The following CACNG2 variants were observed in gnomAD, a reference collection of about 807,000 sequenced individuals.
CACNG2 encodes calcium voltage-gated channel auxiliary subunit gamma 2, also known as voltage-dependent calcium channel gamma-2 subunit.
In CACNG2, 3 loss-of-function variants were observed where a neutral mutation model predicts 25.9. The observed-to-expected ratio is 0.12, with a 90% confidence interval of 0.05 to 0.30. The LOEUF (loss-of-function observed/expected upper bound fraction) is 0.30, where lower values mean the gene tolerates loss of function less well. Among genes scored for constraint, CACNG2 ranks in the 10% least tolerant of loss-of-function variants. The pLI is 1.00. For missense variants in CACNG2, 341 were observed against 432.5 expected (o/e 0.79, Z 1.88); for synonymous variants, 167 against 173.3 (o/e 0.96, Z 0.29).
chr22:36,658,824 C>G (rs8138176), intron 1 of CACNG2, among the ~76,000 whole-genome samples: 10 of 151,712 alleles, frequency 6.6e-5, no homozygotes, highest in South Asian at 6.2e-4. Flanking sequence ...CAAGAGTGTG[C>G]GGGGAAGGGA....
chr22:36,566,389 T>C lies in CACNG2; in HGVS notation c.400A>G (p.Ile134Val), dbSNP rs778689686. The change falls in exon 3 of 4, where the codon ATC (isoleucine) becomes GTC (valine). Residue 134 changes from isoleucine to valine, a missense_variant. This residue lies in a region of CACNG2 where 169 missense variants were observed against 254.4 expected (regional missense o/e 0.66). Coordinates refer to ENST00000300105, the MANE Select transcript of CACNG2 (RefSeq NM_006078.5). Reference sequence around the variant, plus strand: ...AAGAAGATGCCGGCACTCAGGATGATGTTGTGTCGAGTTTTGTAGAACTCG... The same window carrying C: ...AAGAAGATGCCGGCACTCAGGATGACGTTGTGTCGAGTTTTGTAGAACTCG... ...ASEFYKTRHN[I>V]ILSAGIFFVS... The C allele has an allele frequency of 4.3e-6, 7 of 1,614,096 alleles. No individual in the cohort carries two copies. Among genetic ancestry groups the C allele is most frequent in the South Asian group, 1.1e-5 (1 of 91,082 alleles).
intron 1 of CACNG2, among the ~76,000 whole-genome samples, chr22:36,650,561 A>G (rs1471844151): frequency 6.6e-6 from 1 of 152,094 alleles, no homozygotes; most frequent in Non-Finnish European, 1.5e-5. Flanking sequence ...AAAAAAATAG[A>G]CATGGGGGTC....
Position 36,652,426 on chromosome 22 carries a change from C to T in CACNG2, c.211+49940G>A, listed in dbSNP as rs181845914. Among the ~76,000 whole-genome samples, 13 of 152,306 alleles carry T rather than the reference C, an allele frequency of 8.5e-5. No homozygotes were observed. The East Asian group carries it at 9.7e-4, about 11-fold the overall frequency. On this transcript the variant is annotated intron_variant, in intron 1 of 3. Transcript: ENST00000300105. The stretch of plus-strand genomic sequence containing the variant: ...CAGTCTCTCGGGCCTTCTTCTCACC[C>T]TGCAAACATGTTTTCTGTTTTTCAC...
At chr22:36,651,698 A>G (rs575200029) in intron 1 of CACNG2, among the ~76,000 whole-genome samples, 23 of 151,684 alleles carry the variant, frequency 1.5e-4, no homozygotes, top group African/African-American at 4.6e-4. Flanking sequence ...CTTTTTTTGT[A>G]TATTACTGTA....
rs1241060151 is a variant in CACNG2 at position 36,676,973 on chromosome 22, A to T, written c.211+25393T>A. Among the ~76,000 whole-genome samples, 5 of 68,274 alleles carry T rather than the reference A, an allele frequency of 7.3e-5. No individual in the cohort carries two copies. The South Asian group carries it at 2.3e-3, about 32-fold the overall frequency. 44.8% of individuals were successfully genotyped at this position (68,274 alleles called of 152,430 possible). A position where few individuals can be genotyped will look rare whatever the true frequency, so the allele number is the denominator to read the frequency against. ...GTGTGTGTGTGTGTGTGTGTGTTTT[A>T]AAAATCTTTTGTCAGCAGCAAATTC... On this transcript the variant is annotated intron_variant, in intron 1 of 3. Transcript: ENST00000300105.
intron 2 of CACNG2, among the ~76,000 whole-genome samples, chr22:36,575,822 A>C (rs1935303713): frequency 6.6e-6 from 1 of 152,194 alleles, no homozygotes; most frequent in Admixed American, 6.5e-5. Context: ...TGTAGCGGGC[A>C]GGTTCCTCAT....
intron 1 of CACNG2, among the ~76,000 whole-genome samples, chr22:36,693,673 A>G (rs956317364): frequency 8.6e-5 from 13 of 151,880 alleles, no homozygotes; most frequent in African/African-American, 2.9e-4. Context: ...TCTGCTTTCT[A>G]CCTTCCATGG....
chr22:36,614,249 G>T (rs140211938), intron 1 of CACNG2, among the ~76,000 whole-genome samples: 2 of 152,080 alleles, frequency 1.3e-5, no homozygotes, highest in Non-Finnish European at 2.9e-5. Flanking sequence ...CGTTTGCCAC[G>T]TGCTTCCTGG....
At chr22:36,700,267 A>C (rs939033987) in intron 1 of CACNG2, among the ~76,000 whole-genome samples, 3 of 152,278 alleles carry the variant, frequency 2.0e-5, no homozygotes, top group Non-Finnish European at 2.9e-5. Context: ...TGTGGACATC[A>C]AACAGATGGA....
intron 1 of CACNG2, among the ~76,000 whole-genome samples, chr22:36,683,841 C>T (rs541150559): frequency 3.3e-5 from 5 of 152,262 alleles, no homozygotes; most frequent in African/African-American, 9.6e-5. Context: ...GGCAGCATCT[C>T]TCTCTCTCTC....
chr22:36,581,714 C>T (rs573193024), intron 2 of CACNG2, among the ~76,000 whole-genome samples: 3 of 152,312 alleles, frequency 2.0e-5, no homozygotes, highest in African/African-American at 7.2e-5. Flanking sequence ...GGGCTTCTCC[C>T]CTTCTCTCTC....
At chr22:36,642,323 CTGGTT>C (rs1244770269) in intron 1 of CACNG2, among the ~76,000 whole-genome samples, 6 of 152,190 alleles carry the variant, frequency 3.9e-5, no homozygotes, top group African/African-American at 1.4e-4. Flanking sequence ...CTGCTGTGCT[CTGGTT>C]GGGGATTTGA....
At chr22:36,670,630 T>TTTTTGTTTG (rs113777902) in intron 1 of CACNG2, among the ~76,000 whole-genome samples, 9,926 of 151,278 alleles carry the variant, frequency 0.066, 750 homozygotes, top group African/African-American at 0.19. Context: ...TGTTTTTGTT[T>TTTTTGTTTG]TTTTGTTTTG....
At chr22:36,696,213 G>T (rs554166183) in intron 1 of CACNG2, among the ~76,000 whole-genome samples, 3 of 152,012 alleles carry the variant, frequency 2.0e-5, no homozygotes, top group African/African-American at 7.2e-5. Flanking sequence ...TTGCACCCCC[G>T]GCGCTTTCTT....
intron 1 of CACNG2, among the ~76,000 whole-genome samples, chr22:36,679,143 TTCCTTC>T (rs1937054242): frequency 2.5e-5 from 1 of 40,810 alleles, no homozygotes; most frequent in East Asian, 9.6e-4. Context: ...TCTCCCTTCC[TTCCTTC>T]CTTCCTTCCT....
chr22:36,668,534 G>C (rs1234673292), intron 1 of CACNG2, among the ~76,000 whole-genome samples: 1 of 151,808 alleles, frequency 6.6e-6, no homozygotes, highest in East Asian at 1.9e-4. Flanking sequence ...TGTTGCCCAG[G>C]CTGGGGTACA....
At position 36,564,620 on chromosome 22, in the gene CACNG2, G is replaced by C; in HGVS notation, c.703C>G (p.Arg235Gly). The C allele has an allele frequency of 1.2e-6, 2 of 1,613,852 alleles. No individual in the cohort carries two copies. Among genetic ancestry groups the C allele is most frequent in the Non-Finnish European group, 1.7e-6 (2 of 1,179,966 alleles). Residue 235 changes from arginine to glycine, a missense_variant, in exon 4 of 4, where the codon CGC (arginine) becomes GGC (glycine). Physicochemically the swap from Arg to Gly is moderately radical, Grantham distance 125 (BLOSUM62 -2). Around this residue, in one of 2 missense-constraint regions of CACNG2, gnomAD observed 172 missense variants for 178.1 expected, o/e 0.97. Transcript: ENST00000300105. This position sits in a 1 kb window ranked among gnomAD's most constrained non-coding sequence, Gnocchi z 6.7. ...GAGCGCGAGCTGGAGCGGCTGCGGC[G>C]CTGGTAGCGGTAGCGGTAGCTGGGG... ...RIPSYRYRYQ[R>G]RSRSSSRSTE... is the part of the protein sequence containing the mutation.
chr22:36,686,398 C>T (rs1358375027), intron 1 of CACNG2, among the ~76,000 whole-genome samples: 1 of 152,200 alleles, frequency 6.6e-6, no homozygotes, highest in African/African-American at 2.4e-5. Flanking sequence ...GCAGCTCTTT[C>T]ATGCGGAAGG....
chr22:36,562,853 GACCTTCCGCT>G lies in CACNG2; in HGVS notation c.*1488_*1497del, dbSNP rs1390319897. ...ACAGAGACCCCCTGCAGCTCACTGG[GACCTTCCGCT>G]ACTCCCTCCAACCTTCAAGCCCAGC... On this transcript the variant is annotated 3_prime_UTR_variant, in exon 4 of 4. Transcript: ENST00000300105. The G allele has an allele frequency of 6.6e-6, 1 of 152,058 alleles. No homozygotes were observed. The highest frequency in any genetic ancestry group is 1.9e-4 in the East Asian group (1 of 5,196). The allele number at this position is 152,058 out of a possible 1,614,324, so 9.4% of individuals were successfully genotyped here.
Sources: allele counts gnomAD v4.1 joint callset (sites outside exome capture counted in the v4.1 genomes callset), GRCh38; gene constraint gnomAD v4.1.1; regional missense constraint gnomAD v4.1.1; non-coding constraint Gnocchi (gnomAD v3.1); transcripts MANE v1.5; gene names NCBI Gene and HGNC (gene_info 2026-07-23, HGNC 2026-07-21).